The following TEPSIN variants were observed in gnomAD, a reference collection of about 807,000 sequenced individuals.
TEPSIN encodes the protein AP-4 complex accessory subunit tepsin.
TEPSIN carries 50 observed loss-of-function variants against 48.5 expected under a neutral mutation model. The observed-to-expected ratio is 1.03, with a 90% CI of 0.82 to 1.31. The LOEUF (loss-of-function observed/expected upper bound fraction) is 1.31, where lower values mean the gene tolerates loss of function less well. TEPSIN is among the 50% of genes most tolerant of loss of function. The pLI is 0.00. For synonymous variants in TEPSIN, 392 were observed against 358.8 expected (o/e 1.09, Z -1.05); for missense variants, 838 against 815.9 (o/e 1.03, Z -0.33).
In TEPSIN at chr17:81,232,425, C is replaced by G. The variant is rs184979807; in HGVS notation, c.620G>C (p.Arg207Pro). ...MRPGPESPST[R>P]RLLPRGDTYQ... is the part of the protein sequence containing the mutation. ...GGTGTCACCCCGCGGCAGGAGCCTC[C>G]GGGTACTGGGACTCTCGGGCCCGGG... The change falls in exon 8 of 13, where the codon CGG (arginine) becomes CCG (proline). Residue 207 changes from arginine to proline, a missense_variant. Physicochemically the swap from Arg to Pro is moderately radical, Grantham distance 103 (BLOSUM62 -2). Coordinates refer to ENST00000637944, the MANE Select transcript of TEPSIN (RefSeq NM_001363764.2). 2.6e-6 allele frequency: 4 copies of G among 1,535,604 alleles called. No individual in the cohort carries two copies. The Admixed American group carries it at 7.8e-5, about 30-fold the overall frequency.
At chr17:81,237,834 C>T (rs776862494) in intron 1 of TEPSIN, 4 of 451,912 alleles carry the variant, frequency 8.9e-6, no homozygotes, top group Non-Finnish European at 1.2e-5. Flanking sequence ...CAGGCAAGCC[C>T]CTTTTCCACA....
chr17:81,236,334 G>C (rs1368653457), intron 4 of TEPSIN, among the ~76,000 whole-genome samples: 1 of 152,248 alleles, frequency 6.6e-6, no homozygotes, highest in Non-Finnish European at 1.5e-5. Flanking sequence ...CAGGCACTGA[G>C]TCTGCTATGT....
At chr17:81,237,974 C>T (rs966519992) in intron 1 of TEPSIN, 4 of 1,000,076 alleles carry the variant, frequency 4.0e-6, no homozygotes, top group South Asian at 4.2e-5. Flanking sequence ...TTAGCGCAGA[C>T]GTACTTATTT....
chr17:81,229,150 GC>G lies in TEPSIN; in HGVS notation c.1559del (p.Gly520AlafsTer72). ...TGGGGCCTCTCTTTGGGCTGTCCGTGCCCCCTGGGATCCGTTCAGGTCTCCA... is the reference window on the plus strand; with the variant it reads ...TGGGGCCTCTCTTTGGGCTGTCCGTGCCCCTGGGATCCGTTCAGGTCTCCA... Reference protein sequence around the residue: ...RRWRPERIPGGTDSPKRGPSS... With the variant: ...RRWRPERIPGXTDSPKRGPSS... On this transcript the variant is annotated frameshift_variant, in exon 13 of 13. Coordinates refer to ENST00000637944, the MANE Select transcript of TEPSIN (RefSeq NM_001363764.2). LOFTEE classifies it low-confidence loss of function (END_TRUNC). 3 of 1,611,004 alleles carry G rather than the reference GC, an allele frequency of 1.9e-6. No homozygotes were observed. The highest frequency in any genetic ancestry group is 2.5e-6 in the Non-Finnish European group (3 of 1,179,476).
At chr17:81,232,160 G>A in intron 8 of TEPSIN, 139 bp from the exon 9 acceptor site, 2 of 1,318,730 alleles carry the variant, frequency 1.5e-6, no homozygotes, top group South Asian at 1.5e-5. Context: ...TCCAGCTTCA[G>A]CAAACACCAG....
Position 81,233,166 on chromosome 17 carries a change from C to T in TEPSIN, c.526+266G>A, listed in dbSNP as rs1262669381. On this transcript the variant is annotated intron_variant, in intron 7 of 12. Coordinates refer to ENST00000637944, the MANE Select transcript of TEPSIN (RefSeq NM_001363764.2). This position sits in a 1 kb window ranked among gnomAD's most constrained non-coding sequence, Gnocchi z 5.8. ...CCTCGGCCCCTCTCAGAGTGGGACT[C>T]ACCCCTGCCACGGGGCCCAGCCCTG... 3.6e-6 allele frequency: 2 copies of T among 556,962 alleles called. No homozygotes were observed. The highest frequency in any genetic ancestry group is 6.3e-6 in the Non-Finnish European group (2 of 315,050). 34.5% of individuals were successfully genotyped at this position (556,962 alleles called of 1,614,324 possible). A position where few individuals can be genotyped will look rare whatever the true frequency, so the allele number is the denominator to read the frequency against.
At position 81,230,447 on chromosome 17, in the gene TEPSIN, C is replaced by T; in HGVS notation, c.1233+97G>A. On this transcript the variant is annotated intron_variant, in intron 12 of 12. Coordinates refer to ENST00000637944, the MANE Select transcript of TEPSIN (RefSeq NM_001363764.2). The surrounding 1 kb of genome is among the most constrained non-coding windows in gnomAD (Gnocchi z 4.2). The stretch of plus-strand genomic sequence containing the variant: ...TGAGAGGGGGTCCGGGAAGGGCTGA[C>T]CAGGCGCCGGGCAGGGACGGGGTGG... 1 of 1,524,514 alleles carries T rather than the reference C, an allele frequency of 6.6e-7. No individual in the cohort carries two copies. The highest frequency in any genetic ancestry group is 1.2e-5 in the South Asian group (1 of 82,114). The allele number at this position is 1,524,514 out of a possible 1,614,324, so 94.4% of individuals were successfully genotyped here.
At chr17:81,229,872 TGA>T in intron 12 of TEPSIN, 1 of 253,158 alleles carries the variant, frequency 4.0e-6, no homozygotes, top group Non-Finnish European at 7.6e-6. Context: ...AACCCCACTA[TGA>T]GGTTCGCCTG....
chr17:81,231,168 AAGTGTGTACACACCGCACACATGCACG>A (rs1015094400), intron 11 of TEPSIN: 19 of 583,414 alleles, frequency 3.3e-5, no homozygotes, highest in African/African-American at 2.8e-4. Context: ...ACACGTGCAC[AAGTGTGTACACACCGCACACATGCACG>A]AGTGTGTACA....
chr17:81,237,002 C>G lies in TEPSIN; in HGVS notation c.191G>C (p.Ser64Thr). The change falls in exon 3 of 13, where the codon AGC becomes ACC. Residue 64 changes from serine to threonine, a missense_variant. Physicochemically the swap from Ser to Thr is moderately conservative, Grantham distance 58. Coordinates refer to ENST00000637944, the MANE Select transcript of TEPSIN (RefSeq NM_001363764.2). ...LEYLLSRLHSSSGHGKLKVLK... is the reference protein window; with the variant it reads ...LEYLLSRLHSTSGHGKLKVLK... Reference sequence around the variant, plus strand: ...CACCTTGAGCTTCCCGTGGCCGGAGCTGCTGTGCAGGCGGCTCAGGAGGTA... The same window carrying G: ...CACCTTGAGCTTCCCGTGGCCGGAGGTGCTGTGCAGGCGGCTCAGGAGGTA... 1 of 1,591,354 alleles carries G rather than the reference C, an allele frequency of 6.3e-7. No individual in the cohort carries two copies. The highest frequency in any genetic ancestry group is 8.6e-7 in the Non-Finnish European group (1 of 1,169,028).
At chr17:81,232,103 G>C (rs2062626687) in intron 8 of TEPSIN, 82 bp from the exon 9 acceptor site, 2 of 1,501,214 alleles carry the variant, frequency 1.3e-6, no homozygotes, top group Non-Finnish European at 1.8e-6. Context: ...TGGACCAGGA[G>C]GCCTCGGGGG....
At chr17:81,232,932 T>C (rs1431357235) in intron 7 of TEPSIN, 4 of 227,142 alleles carry the variant, frequency 1.8e-5, no homozygotes, top group Non-Finnish European at 2.6e-5. Context: ...CAGGACGGCG[T>C]GACACAGCCT....
At position 81,229,015 on chromosome 17, in the gene TEPSIN, G is replaced by A; in HGVS notation, c.1695C>T (p.Pro565=). The change falls in exon 13 of 13, where the codon CCC becomes CCT. Residue 565 remains proline (P), a synonymous_variant. Transcript: ENST00000637944. ...TCTGGGACGATGTTTGGGGGGCGCG[G>A]GGAGCATCAGGACAGGACTCTCCCG... The part of the protein sequence containing the change: ...AAAGESCPDA[P]RAPQTSSQRT... The A allele has an allele frequency of 6.2e-7, 1 of 1,613,514 alleles. No homozygotes were observed. The highest frequency in any genetic ancestry group is 8.5e-7 in the Non-Finnish European group (1 of 1,179,968).
intron 3 of TEPSIN, 82 bp downstream of exon 3, chr17:81,236,898 C>A: frequency 6.5e-7 from 1 of 1,533,168 alleles, no homozygotes; most frequent in Non-Finnish European, 8.8e-7. Context: ...CTGCCTGCCA[C>A]CCTGGGCCGC....
Position 81,228,522 on chromosome 17 carries a change from G to T in TEPSIN, c.*406C>A. On this transcript the variant is annotated 3_prime_UTR_variant, in exon 13 of 13. Transcript: ENST00000637944. Reference sequence around the variant, plus strand: ...CCCACATGCACCAAACCCAGCCTCAGCACCTAGCCCACCCCGATGGGACGG... The same window carrying T: ...CCCACATGCACCAAACCCAGCCTCATCACCTAGCCCACCCCGATGGGACGG... 1 of 295,816 alleles carries T rather than the reference G, an allele frequency of 3.4e-6. No individual in the cohort carries two copies. The highest frequency in any genetic ancestry group is 6.4e-6 in the Non-Finnish European group (1 of 156,308). The allele number at this position is 295,816 out of a possible 1,614,324, so 18.3% of individuals were successfully genotyped here. A position where few individuals can be genotyped will look rare whatever the true frequency, so the allele number is the denominator to read the frequency against.
At position 81,230,881 on chromosome 17, in the gene TEPSIN, T is replaced by C. The variant is rs2062583539; in HGVS notation, c.1099-203A>G. 2 of 613,250 alleles carry C rather than the reference T, an allele frequency of 3.3e-6. No homozygotes were observed. The highest frequency in any genetic ancestry group is 2.2e-5 in the South Asian group (1 of 45,212). 38.0% of individuals were successfully genotyped at this position (613,250 alleles called of 1,614,324 possible). ...CACCACAGCCCTGTCCTCACCACCT[T>C]ACACCCCCGCTCCCAGACACCAGAG... On this transcript the variant is annotated intron_variant, in intron 11 of 12. Coordinates refer to ENST00000637944, the MANE Select transcript of TEPSIN (RefSeq NM_001363764.2). This position sits in a 1 kb window ranked among gnomAD's most constrained non-coding sequence, Gnocchi z 4.2.
chr17:81,229,690 C>T (rs2062548231), intron 12 of TEPSIN: 1 of 596,452 alleles, frequency 1.7e-6, no homozygotes, highest in East Asian at 2.9e-5. Flanking sequence ...CGACACGGGG[C>T]AGGTGTCACA....
Position 81,231,440 on chromosome 17 carries a change from C to G in TEPSIN, c.1056G>C (p.Leu352=). 1 of 1,567,092 alleles carries G rather than the reference C, an allele frequency of 6.4e-7. No individual in the cohort carries two copies. Among genetic ancestry groups the G allele is most frequent in the Non-Finnish European group, 8.7e-7 (1 of 1,156,034 alleles). Reference sequence around the variant, plus strand: ...TGGTCCCACGCAGGTGGCAGGTCAGCAGCTGCAGCACGGCCTCACAGTTGA... The same window carrying G: ...TGGTCCCACGCAGGTGGCAGGTCAGGAGCTGCAGCACGGCCTCACAGTTGA... ...GLLNCEAVLQ[L]LTCHLRGTSE... is the part of the protein sequence containing the mutation. The change falls in exon 11 of 13, where the codon CTG becomes CTC. Residue 352 remains leucine (L), a synonymous_variant. Transcript: ENST00000637944.
chr17:81,238,086 A>C, intron 1 of TEPSIN: 1 of 987,634 alleles, frequency 1.0e-6, no homozygotes, highest in Non-Finnish European at 1.2e-6. Flanking sequence ...AATAGAGTTC[A>C]AGAGTATTTA....
Sources: allele counts gnomAD v4.1 joint callset (sites outside exome capture counted in the v4.1 genomes callset), GRCh38; gene constraint gnomAD v4.1.1; non-coding constraint Gnocchi (gnomAD v3.1); transcripts MANE v1.5; gene names NCBI Gene and HGNC (gene_info 2026-07-23, HGNC 2026-07-21).